CNTN5: variants seen among roughly 807,000 people sequenced by gnomAD.
CNTN5 encodes contactin-5.
In CNTN5, 77 loss-of-function variants were observed where a neutral mutation model predicts 129.1. The observed-to-expected ratio is 0.60, with a 90% CI of 0.50 to 0.72. The LOEUF is 0.72. Ranked by LOEUF, CNTN5 falls within the 30% of genes least tolerant of loss-of-function variation. The pLI is 0.00. For missense variants in CNTN5, 1,478 were observed against 1,328.8 expected (o/e 1.11, Z -1.75); for synonymous variants, 509 against 465.6 (o/e 1.09, Z -1.20).
chr11:99,732,915 A>G (rs1162241062), intron 3 of CNTN5, among the ~76,000 whole-genome samples: 1 of 152,198 alleles, frequency 6.6e-6, no homozygotes, highest in Non-Finnish European at 1.5e-5. Context: ...GAAATAAAAG[A>G]TATGCCTTTT....
intron 1 of CNTN5, among the ~76,000 whole-genome samples, chr11:99,113,375 G>A (rs987026392): frequency 3.3e-5 from 5 of 152,062 alleles, no homozygotes; most frequent in African/African-American, 1.2e-4. Flanking sequence ...CATCTTGAGT[G>A]TGGGAAGTTT....
intron 2 of CNTN5, among the ~76,000 whole-genome samples, chr11:99,522,628 A>G (rs1429711419): frequency 6.6e-6 from 1 of 152,170 alleles, no homozygotes; most frequent in Non-Finnish European, 1.5e-5. Flanking sequence ...ATTTTAACCA[A>G]TGACTCATCT....
At chr11:99,762,493 A>G (rs868153784) in intron 3 of CNTN5, among the ~76,000 whole-genome samples, 17 of 151,682 alleles carry the variant, frequency 1.1e-4, no homozygotes, top group African/African-American at 2.7e-4. Context: ...TGGCTAGCCA[A>G]TTTTCCCAGC....
chr11:99,756,139 T>C (rs1944396701), intron 3 of CNTN5, among the ~76,000 whole-genome samples: 1 of 152,120 alleles, frequency 6.6e-6, no homozygotes, highest in Non-Finnish European at 1.5e-5. Flanking sequence ...AAGAATACTA[T>C]GAATAAAATC....
intron 3 of CNTN5, among the ~76,000 whole-genome samples, chr11:99,582,054 G>A (rs574562531): frequency 3.1e-4 from 47 of 152,078 alleles, no homozygotes; most frequent in African/African-American, 1.1e-3. Flanking sequence ...TTGCTTGTCT[G>A]TAAAGTATTT....
intron 3 of CNTN5, among the ~76,000 whole-genome samples, chr11:99,664,343 C>T (rs72983642): frequency 0.048 from 7,239 of 152,140 alleles, 240 homozygotes; most frequent in Non-Finnish European, 0.07. Flanking sequence ...CCCACTGTGC[C>T]GGGTATCCAG....
chr11:99,971,903 A>G (rs1951268031), intron 8 of CNTN5, among the ~76,000 whole-genome samples: 2 of 151,064 alleles, frequency 1.3e-5, no homozygotes, highest in Admixed American at 1.3e-4. Flanking sequence ...GCACTCAATA[A>G]TGTGATCCCC....
At chr11:100,189,350 A>G (rs888961019) in intron 13 of CNTN5, among the ~76,000 whole-genome samples, 5 of 152,024 alleles carry the variant, frequency 3.3e-5, no homozygotes, top group Non-Finnish European at 7.4e-5. Flanking sequence ...GCATTCATAA[A>G]CTGTCTTTAA....
intron 2 of CNTN5, among the ~76,000 whole-genome samples, chr11:99,461,667 T>C (rs1857749): frequency 0.52 from 78,621 of 149,794 alleles, 21,348 homozygotes; most frequent in Middle Eastern, 0.66. Context: ...AAAGTTGTAT[T>C]CTAGTATTCT....
chr11:100,198,819 T>C (rs1210185914), intron 15 of CNTN5, among the ~76,000 whole-genome samples: 8 of 151,912 alleles, frequency 5.3e-5, no homozygotes, highest in African/African-American at 1.7e-4. Context: ...ATATGCAGAA[T>C]TTTTGTGGAA....
At chr11:99,623,161 C>G (rs1020322530) in intron 3 of CNTN5, among the ~76,000 whole-genome samples, 1 of 152,004 alleles carries the variant, frequency 6.6e-6, no homozygotes, top group Non-Finnish European at 1.5e-5. Context: ...TACAAGTGTC[C>G]TTGGTACCTA....
In CNTN5 at chr11:99,607,378, G is replaced by A. The variant is rs987372150; in HGVS notation, c.55+51109G>A. ...CACCATCACTGGCCATCAGAGAAAT[G>A]CAAATCAAAACCACTGTGAGATATC... On this transcript the variant is annotated intron_variant, in intron 3 of 24. Coordinates refer to ENST00000524871, the MANE Select transcript of CNTN5 (RefSeq NM_014361.4). 1.6e-3 allele frequency among the ~76,000 whole-genome samples: 232 copies of A among 148,438 alleles called. 1 individual carries two copies. Among genetic ancestry groups the A allele is most frequent in the South Asian group, 3.0e-3 (14 of 4,618 alleles).
intron 2 of CNTN5, among the ~76,000 whole-genome samples, chr11:99,539,123 C>A (rs1325385187): frequency 1.3e-5 from 2 of 151,968 alleles, no homozygotes; most frequent in African/African-American, 2.4e-5. Flanking sequence ...GAACTTCATA[C>A]CAGATTTAGT....
intron 2 of CNTN5, among the ~76,000 whole-genome samples, chr11:99,353,622 A>G (rs1405748071): frequency 6.6e-6 from 1 of 152,204 alleles, no homozygotes. Context: ...GGCTAAGTCA[A>G]AAGAGGAGGG....
At chr11:99,832,040 A>G (rs887342569) in intron 4 of CNTN5, among the ~76,000 whole-genome samples, 1 of 152,038 alleles carries the variant, frequency 6.6e-6, no homozygotes, top group South Asian at 2.1e-4. Flanking sequence ...TTGAACCACC[A>G]CTGTGCTGTA....
At chr11:99,879,207 G>A (rs975194657) in intron 6 of CNTN5, among the ~76,000 whole-genome samples, 1 of 152,040 alleles carries the variant, frequency 6.6e-6, no homozygotes, top group Non-Finnish European at 1.5e-5. Context: ...CAAAGTGCTG[G>A]GATTACAGGC....
Position 99,841,598 on chromosome 11 carries a change from AAGAAGCAGC to A in CNTN5, c.278-3234_278-3226del, listed in dbSNP as rs763991356. On this transcript the variant is annotated intron_variant, in intron 4 of 24. Coordinates refer to ENST00000524871, the MANE Select transcript of CNTN5 (RefSeq NM_014361.4). The stretch of plus-strand genomic sequence containing the variant: ...GTGAGAAAAAGGGGAGGAGGAGGAA[AAGAAGCAGC>A]AGAAGCAGCAGAAGCAGCATCAGCA... Among the ~76,000 whole-genome samples the A allele has an allele frequency of 3.1e-3, 463 of 151,670 alleles. 2 individuals are homozygous for A. Among genetic ancestry groups the A allele is most frequent in the South Asian group, 8.5e-3 (41 of 4,812 alleles).
intron 1 of CNTN5, among the ~76,000 whole-genome samples, chr11:99,186,000 T>C (rs1199164557): frequency 6.6e-6 from 1 of 151,412 alleles, no homozygotes; most frequent in Non-Finnish European, 1.5e-5. Flanking sequence ...AAATAACCCA[T>C]CAAAATAAAG....
At chr11:99,483,659 C>G (rs1328676419) in intron 2 of CNTN5, among the ~76,000 whole-genome samples, 1 of 152,018 alleles carries the variant, frequency 6.6e-6, no homozygotes, top group Non-Finnish European at 1.5e-5. Context: ...GGTCTCCTGA[C>G]ACTTCTGGTT....
Sources: gnomAD v4.1 joint callset for allele counts (sites outside exome capture counted in the v4.1 genomes callset) on GRCh38, gnomAD v4.1.1 for gene constraint, MANE v1.5 for transcripts, NCBI Gene and HGNC (gene_info 2026-07-23, HGNC 2026-07-21) for gene names.